Variants in CEP126 observed in about 807,000 individuals in gnomAD.
CEP126 encodes the protein centrosomal protein of 126 kDa.
A neutral mutation model predicts 107.8 loss-of-function variants in CEP126; 74 were observed. The observed-to-expected ratio is 0.69, with a 90% CI of 0.57 to 0.83. The LOEUF (loss-of-function observed/expected upper bound fraction) is 0.83. Ranked by LOEUF, CEP126 falls within the 40% of genes least tolerant of loss-of-function variation. The pLI is 0.00. For synonymous variants in CEP126, 449 were observed against 446.0 expected (o/e 1.01, Z -0.08); for missense variants, 1,237 against 1,281.9 (o/e 0.96, Z 0.53).
chr11:101,919,073 A>G (rs1378982046), intron 1 of CEP126, among the ~76,000 whole-genome samples: 2 of 152,208 alleles, frequency 1.3e-5, no homozygotes, highest in Non-Finnish European at 2.9e-5. Context: ...TGAAGGTGAT[A>G]GGGAGCTTTT....
intron 7 of CEP126, among the ~76,000 whole-genome samples, chr11:101,980,149 T>C (rs117527784): frequency 1.3e-5 from 2 of 152,166 alleles, no homozygotes. Context: ...GTTAATCACA[T>C]TACCCATATA....
chr11:101,959,364 C>T (rs1372597348), intron 5 of CEP126, among the ~76,000 whole-genome samples: 1 of 152,042 alleles, frequency 6.6e-6, no homozygotes, highest in Non-Finnish European at 1.5e-5. Flanking sequence ...CCATGTTGGC[C>T]AGATGGTCTC....
In CEP126 at chr11:101,962,418, G is replaced by T. The variant is rs764822997; in HGVS notation, c.1383G>T (p.Thr461=). The change falls in exon 6 of 11, where the codon ACG becomes ACT. Residue 461 remains threonine, a synonymous_variant. Coordinates refer to ENST00000263468, the MANE Select transcript of CEP126 (RefSeq NM_020802.4). Reference sequence around the variant, plus strand: ...CTACTTCATGTGTACCAGTGGCAACGCCTTTAGTTTTGCCATCTAATATAC... The same window carrying T: ...CTACTTCATGTGTACCAGTGGCAACTCCTTTAGTTTTGCCATCTAATATAC... The part of the protein sequence containing the change: ...SIPTSCVPVA[T]PLVLPSNIQS... 6.2e-7 allele frequency: 1 copy of T among 1,613,752 alleles called. No homozygotes were observed. Among genetic ancestry groups the T allele is most frequent in the Admixed American group, 1.7e-5 (1 of 59,996 alleles).
chr11:101,939,162 CAAAG>C (rs1345166330), intron 2 of CEP126, among the ~76,000 whole-genome samples: 1 of 152,066 alleles, frequency 6.6e-6, no homozygotes, highest in East Asian at 1.9e-4. Context: ...TGTTCTGTTA[CAAAG>C]AAAGGATGTT....
chr11:101,945,885 A>G (rs773912806), intron 3 of CEP126, among the ~76,000 whole-genome samples: 2 of 152,122 alleles, frequency 1.3e-5, no homozygotes, highest in Non-Finnish European at 2.9e-5. Context: ...ACCCCTAACT[A>G]TATAGGGTCT....
chr11:101,936,012 G>A lies in CEP126; in HGVS notation c.249-8253G>A, dbSNP rs562982938. On this transcript the variant is annotated intron_variant, in intron 2 of 10. Transcript: ENST00000263468. ...TCTGATTTTGTTTTGATTCAAGATAGTTTTGCTTATTCTAGGTATTTTTAC... is the reference window on the plus strand; with the variant it reads ...TCTGATTTTGTTTTGATTCAAGATAATTTTGCTTATTCTAGGTATTTTTAC... 3.3e-5 allele frequency among the ~76,000 whole-genome samples: 5 copies of A among 152,194 alleles called. No homozygotes were observed. The South Asian group carries it at 1.0e-3, about 32-fold the overall frequency.
intron 7 of CEP126, 32 bp from the exon 8 acceptor site, chr11:101,981,857 A>G: frequency 7.8e-7 from 1 of 1,290,088 alleles, no homozygotes; most frequent in East Asian, 2.4e-5. Context: ...AAATATGGAA[A>G]TATGTTTTAA....
chr11:101,958,357 C>G lies in CEP126; in HGVS notation c.696C>G (p.Ser232Arg), dbSNP rs151250458. ...AACTCCTCGAAGATCAACATCTAAG[C>G]AATTTGCAAGTATGAAACTATAAAA... ...TQKLLEDQHL[S>R]NLQKFCDEVN... Residue 232 changes from serine (S) to arginine (R), a missense_variant, in exon 5 of 11, where the codon AGC becomes AGG. By Grantham distance (110) the Ser-to-Arg change is moderately radical. Transcript: ENST00000263468. The G allele has an allele frequency of 3.1e-6, 5 of 1,612,668 alleles. No homozygotes were observed. The highest frequency in any genetic ancestry group is 3.4e-6 in the Non-Finnish European group (4 of 1,179,320).
intron 10 of CEP126, among the ~76,000 whole-genome samples, chr11:101,994,402 G>A (rs995743379): frequency 5.3e-5 from 8 of 152,138 alleles, no homozygotes; most frequent in Non-Finnish European, 1.0e-4. Context: ...GTTTGCTTTT[G>A]TTGCAATTGC....
chr11:101,942,712 GTGT>G (rs1940682970), intron 2 of CEP126, among the ~76,000 whole-genome samples: 1 of 151,784 alleles, frequency 6.6e-6, no homozygotes, highest in African/African-American at 2.4e-5. Flanking sequence ...GCTTTGAGTA[GTGT>G]TGTCATCTTA....
At chr11:101,982,872 A>G (rs1430733889) in intron 8 of CEP126, among the ~76,000 whole-genome samples, 2 of 152,218 alleles carry the variant, frequency 1.3e-5, no homozygotes, top group Admixed American at 6.5e-5. Context: ...CTGACTTCAT[A>G]TGATGGGTCA....
rs1941496512 is a variant in CEP126, at chr11:102,000,617, G to A, written c.*2974G>A. The A allele has an allele frequency of 6.6e-6, 1 of 151,992 alleles. No individual in the cohort carries two copies. The highest frequency in any genetic ancestry group is 6.6e-5 in the Admixed American group (1 of 15,252). The allele number at this position is 151,992 out of a possible 1,614,324, so 9.4% of individuals were successfully genotyped here. A position where few individuals can be genotyped will look rare whatever the true frequency, so the allele number is the denominator to read the frequency against. ...TGAGGTGGGAGGATCGTTTGAGCCT[G>A]GGAGGCAGAGGTTGCAGTGATCAGG... On this transcript the variant is annotated 3_prime_UTR_variant, in exon 11 of 11. Coordinates refer to ENST00000263468, the MANE Select transcript of CEP126 (RefSeq NM_020802.4).
chr11:101,994,268 G>C (rs772840971), intron 10 of CEP126, among the ~76,000 whole-genome samples: 13 of 152,216 alleles, frequency 8.5e-5, no homozygotes, highest in Non-Finnish European at 1.5e-4. Flanking sequence ...CTGGATGTTA[G>C]AACTTTGTCA....
intron 2 of CEP126, among the ~76,000 whole-genome samples, chr11:101,939,883 C>T (rs1940641088): frequency 6.6e-6 from 1 of 152,138 alleles, no homozygotes; most frequent in Non-Finnish European, 1.5e-5. Flanking sequence ...GTAGAGTTAG[C>T]TCCATATCAG....
intron 7 of CEP126, among the ~76,000 whole-genome samples, 162 bp from the exon 8 acceptor site, chr11:101,981,727 T>C (rs1195844418): frequency 6.6e-6 from 1 of 152,218 alleles, no homozygotes; most frequent in East Asian, 1.9e-4. Context: ...TTCTTTATTA[T>C]AATAATTCTT....
chr11:101,987,201 T>G (rs879162991), intron 9 of CEP126, among the ~76,000 whole-genome samples, 160 bp downstream of exon 9: 1 of 152,230 alleles, frequency 6.6e-6, no homozygotes, highest in Non-Finnish European at 1.5e-5. Flanking sequence ...GAATACTATT[T>G]CAAGTATGCC....
intron 4 of CEP126, among the ~76,000 whole-genome samples, chr11:101,955,107 A>G (rs1940867292): frequency 6.6e-6 from 1 of 152,188 alleles, no homozygotes; most frequent in African/African-American, 2.4e-5. Context: ...AATATATGAT[A>G]AAGTGCAGGG....
chr11:101,996,349 G>T (rs1214578601), intron 10 of CEP126, among the ~76,000 whole-genome samples: 1 of 152,176 alleles, frequency 6.6e-6, no homozygotes, highest in East Asian at 1.9e-4. Flanking sequence ...CAAACAGCCT[G>T]CTCAGTCATC....
At chr11:101,944,140 A>C (rs1940704845) in intron 2 of CEP126, 125 bp from the exon 3 acceptor site, 1 of 916,316 alleles carries the variant, frequency 1.1e-6, no homozygotes, top group Non-Finnish European at 1.5e-6. Flanking sequence ...AAAAATTTAA[A>C]ATTTGTTGTT....
Sources: gnomAD v4.1 joint callset for allele counts (sites outside exome capture counted in the v4.1 genomes callset) on GRCh38, gnomAD v4.1.1 for gene constraint, MANE v1.5 for transcripts, NCBI Gene and HGNC (gene_info 2026-07-23, HGNC 2026-07-21) for gene names.